Variants in PRKAR2B observed in about 807,000 individuals in gnomAD.
PRKAR2B encodes protein kinase cAMP-dependent type II regulatory subunit beta.
In PRKAR2B, 14 loss-of-function variants were observed where a neutral mutation model predicts 49.9. That is an observed-to-expected ratio of 0.28 (90% confidence interval 0.19 to 0.44). PRKAR2B has a LOEUF of 0.44. Ranked by LOEUF, PRKAR2B falls within the 20% of genes least tolerant of loss-of-function variation. The pLI, the probability that PRKAR2B is intolerant of heterozygous loss-of-function variation, is 1.00. For synonymous variants in PRKAR2B, 196 were observed against 197.7 expected (o/e 0.99, Z 0.07); for missense variants, 393 against 537.9 (o/e 0.73, Z 2.67).
chr7:107,083,214 C>CAA (rs1394241896), intron 2 of PRKAR2B, among the ~76,000 whole-genome samples: 15 of 115,294 alleles, frequency 1.3e-4, no homozygotes, highest in Non-Finnish European at 1.8e-4. Flanking sequence ...GAGACTGTCT[C>CAA]AAAAAAAAAA....
intron 2 of PRKAR2B, among the ~76,000 whole-genome samples, chr7:107,080,801 A>G (rs1794500248): frequency 6.6e-6 from 1 of 152,196 alleles, no homozygotes; most frequent in Non-Finnish European, 1.5e-5. Flanking sequence ...AGCTGTTTTT[A>G]AATTTAACAG....
intron 1 of PRKAR2B, among the ~76,000 whole-genome samples, chr7:107,049,000 TTGACATGTCATGTCTGAAAGGG>T (rs1195874524): frequency 2.3e-4 from 35 of 152,218 alleles, no homozygotes; most frequent in African/African-American, 6.8e-4. Flanking sequence ...CAAATACAGT[TTGACATGTCATGTCTGAAAGGG>T]TAGCATCCCT....
At chr7:107,151,065 G>C (rs1366292819) in intron 7 of PRKAR2B, 42 bp downstream of exon 7, 3 of 1,225,160 alleles carry the variant, frequency 2.4e-6, no homozygotes, top group Non-Finnish European at 3.3e-6. Context: ...TGCTTTAAAA[G>C]TTTCTGTTTT....
chr7:107,153,577 C>T (rs1396151811), intron 8 of PRKAR2B, among the ~76,000 whole-genome samples: 2 of 152,168 alleles, frequency 1.3e-5, no homozygotes, highest in Non-Finnish European at 2.9e-5. Flanking sequence ...CTGGAAAATT[C>T]TATAGAGTTT....
intron 2 of PRKAR2B, among the ~76,000 whole-genome samples, chr7:107,089,121 A>T (rs976186536): frequency 6.6e-6 from 1 of 152,030 alleles, no homozygotes; most frequent in Non-Finnish European, 1.5e-5. Context: ...GTGAGCCAAG[A>T]TTTGCCACTG....
chr7:107,146,767 T>C (rs1376281464), intron 6 of PRKAR2B, among the ~76,000 whole-genome samples: 1 of 152,192 alleles, frequency 6.6e-6, no homozygotes, highest in Non-Finnish European at 1.5e-5. Context: ...AACACAGCCT[T>C]AAGTACTTTT....
At position 107,072,138 on chromosome 7, in the gene PRKAR2B, A is replaced by G. The variant is rs527720541; in HGVS notation, c.343+1822A>G. On this transcript the variant is annotated intron_variant, in intron 2 of 10. Coordinates refer to ENST00000265717, the MANE Select transcript of PRKAR2B (RefSeq NM_002736.3). ...ATATATATAATTGTAGAGATGATGT[A>G]ATACCACAAAGAAATACACATTAAA... Among the ~76,000 whole-genome samples, 12 of 150,932 alleles carry G rather than the reference A, an allele frequency of 8.0e-5. No individual in the cohort carries two copies. The East Asian group carries it at 2.3e-3, about 29-fold the overall frequency.
chr7:107,117,570 A>G (rs896089474), intron 2 of PRKAR2B, among the ~76,000 whole-genome samples: 5 of 152,162 alleles, frequency 3.3e-5, no homozygotes, highest in African/African-American at 1.2e-4. Context: ...CGTGGAGTTC[A>G]GTCTGCTTCC....
intron 4 of PRKAR2B, among the ~76,000 whole-genome samples, chr7:107,131,777 G>C (rs1281269082): frequency 6.6e-5 from 10 of 152,126 alleles, no homozygotes; most frequent in Admixed American, 6.5e-4. Context: ...CAGATTAGAG[G>C]TTTTAGTTTA....
intron 1 of PRKAR2B, among the ~76,000 whole-genome samples, chr7:107,047,000 G>A (rs1382258514): frequency 3.9e-5 from 6 of 152,072 alleles, no homozygotes; most frequent in Admixed American, 6.6e-5. Context: ...GAAATAAGCC[G>A]TTAACTTCTG....
intron 2 of PRKAR2B, among the ~76,000 whole-genome samples, chr7:107,073,413 G>A (rs957149244): frequency 7.2e-5 from 11 of 152,132 alleles, no homozygotes; most frequent in Admixed American, 5.9e-4. Flanking sequence ...AGAATTCCTA[G>A]CATCTTAAGA....
chr7:107,158,434 C>T (rs1796136475), intron 10 of PRKAR2B, among the ~76,000 whole-genome samples: 1 of 152,124 alleles, frequency 6.6e-6, no homozygotes, highest in South Asian at 2.1e-4. Context: ...GTGTGGGCTT[C>T]CAGTTGTTAA....
intron 2 of PRKAR2B, among the ~76,000 whole-genome samples, chr7:107,099,969 TTTG>T (rs763538586): frequency 8.5e-5 from 13 of 152,116 alleles, no homozygotes; most frequent in East Asian, 3.9e-4. Flanking sequence ...GTTGCTTGTT[TTTG>T]TTGTTGTTGT....
At chr7:107,132,526 C>T (rs1257866060) in intron 4 of PRKAR2B, among the ~76,000 whole-genome samples, 2 of 151,858 alleles carry the variant, frequency 1.3e-5, no homozygotes, top group African/African-American at 4.8e-5. Context: ...GAGAAATGGG[C>T]CTGAACTCCA....
intron 1 of PRKAR2B, among the ~76,000 whole-genome samples, chr7:107,057,564 C>T (rs1793940067): frequency 1.3e-5 from 2 of 152,050 alleles, no homozygotes; most frequent in Admixed American, 6.5e-5. Flanking sequence ...AGTGTGATTT[C>T]ATTTTGGTAT....
rs781470203 is a variant in PRKAR2B at position 107,159,435 on chromosome 7, T to A, written c.1124-14T>A. ...AAAGAATGTTATTTAAAAAAAAATC[T>A]TCTCTTTTCTCAGCAATGGATGTGC... On this transcript the variant is annotated splice_polypyrimidine_tract_variant and intron_variant, in intron 10 of 10. Coordinates refer to ENST00000265717, the MANE Select transcript of PRKAR2B (RefSeq NM_002736.3). The A allele has an allele frequency of 1.9e-6, 3 of 1,609,794 alleles. No homozygotes were observed. The highest frequency in any genetic ancestry group is 2.5e-6 in the Non-Finnish European group (3 of 1,178,690).
rs574694055 is a variant in PRKAR2B, at chr7:107,079,825, A to G, written c.343+9509A>G. 1.5e-4 allele frequency among the ~76,000 whole-genome samples: 23 copies of G among 152,304 alleles called. No homozygotes were observed. The South Asian group carries it at 4.3e-3, about 29-fold the overall frequency. ...GGACTGAGAAACAAGGACACTCTGG[A>G]TGAGGTCAAAGAAAAAATAGAATGT... On this transcript the variant is annotated intron_variant, in intron 2 of 10. Transcript: ENST00000265717.
chr7:107,074,981 A>G (rs1312187008), intron 2 of PRKAR2B, among the ~76,000 whole-genome samples: 1 of 151,914 alleles, frequency 6.6e-6, no homozygotes, highest in East Asian at 1.9e-4. Context: ...TTCTCTGTGA[A>G]TTTGTATGTA....
In PRKAR2B at chr7:107,122,021, A is replaced by G. The variant is rs777195657; in HGVS notation, c.396+17A>G. On this transcript the variant is annotated intron_variant, in intron 3 of 10. Transcript: ENST00000265717. The stretch of plus-strand genomic sequence containing the variant: ...GAGTCCAGGGTATGTAATTTACTGA[A>G]TGAATGAATTTTAAATTGATGCCCT... The G allele has an allele frequency of 4.5e-6, 7 of 1,543,358 alleles. No individual in the cohort carries two copies. The East Asian group carries it at 1.4e-4, about 30-fold the overall frequency.
Sources: gnomAD v4.1 joint callset for allele counts (sites outside exome capture counted in the v4.1 genomes callset) on GRCh38, gnomAD v4.1.1 for gene constraint, MANE v1.5 for transcripts, NCBI Gene and HGNC (gene_info 2026-07-23, HGNC 2026-07-21) for gene names.